HKDC1: variants seen among roughly 807,000 people sequenced by gnomAD.
HKDC1 encodes hexokinase domain containing 1, also known as hexokinase HKDC1.
In HKDC1, 66 loss-of-function variants were observed where a neutral mutation model predicts 96.6. That is an observed-to-expected ratio of 0.68 (90% CI 0.56 to 0.84). The LOEUF is 0.84. Ranked by LOEUF, HKDC1 falls within the 40% of genes least tolerant of loss-of-function variation. HKDC1 has a pLI of 0.00. For synonymous variants in HKDC1, 466 were observed against 473.1 expected (o/e 0.98, Z 0.20); for missense variants, 1,211 against 1,208.1 (o/e 1.00, Z -0.04).
chr10:69,249,721 G>C (rs1034085918), intron 10 of HKDC1, among the ~76,000 whole-genome samples: 2 of 152,102 alleles, frequency 1.3e-5, no homozygotes, highest in African/African-American at 4.8e-5. Flanking sequence ...GGATGGTGTC[G>C]ATCTCCTGAC....
intron 12 of HKDC1, among the ~76,000 whole-genome samples, chr10:69,255,054 TG>T (rs1156359617): frequency 6.6e-6 from 1 of 152,230 alleles, no homozygotes; most frequent in East Asian, 1.9e-4. Flanking sequence ...GAGGGTGCCG[TG>T]TGCAGCTGTC....
Position 69,258,856 on chromosome 10 carries a change from A to G in HKDC1, c.2113A>G (p.Asn705Asp). ...VEGGEGKMCI[N>D]TEWGGFGDNG... ...GGGGGGTGAAGGGAAGATGTGCATC[A>G]ATACAGAGTGGGGAGGATTTGGAGA... The change falls in exon 15 of 18, where the codon AAT (asparagine) becomes GAT (aspartate). Residue 705 changes from asparagine (N) to aspartate (D), a missense_variant. Physicochemically the swap from Asn to Asp is conservative, Grantham distance 23 (BLOSUM62 1). Coordinates refer to ENST00000354624, the MANE Select transcript of HKDC1 (RefSeq NM_025130.4). The G allele has an allele frequency of 6.2e-7, 1 of 1,613,936 alleles. No homozygotes were observed. Among genetic ancestry groups the G allele is most frequent in the Non-Finnish European group, 8.5e-7 (1 of 1,179,964 alleles).
intron 16 of HKDC1, 191 bp from the exon 17 acceptor site, chr10:69,265,394 G>T (rs1313143172): frequency 1.7e-6 from 1 of 600,800 alleles, no homozygotes; most frequent in African/African-American, 1.9e-5. Context: ...TAAAGTTGAT[G>T]GAACTTCCAG....
chr10:69,230,116 T>C (rs775031580), intron 2 of HKDC1, among the ~76,000 whole-genome samples: 4 of 152,226 alleles, frequency 2.6e-5, no homozygotes, highest in Non-Finnish European at 2.9e-5. Flanking sequence ...TGAGCCTTAG[T>C]TACCACCCAG....
At position 69,266,923 on chromosome 10, in the gene HKDC1, T is replaced by A. The variant is rs1043355626; in HGVS notation, c.*166T>A. 1.7e-6 allele frequency: 1 copy of A among 598,664 alleles called. No homozygotes were observed. Among genetic ancestry groups the A allele is most frequent in the Non-Finnish European group, 2.8e-6 (1 of 353,392 alleles). The allele number at this position is 598,664 out of a possible 1,614,324, so 37.1% of individuals were successfully genotyped here. A position where few individuals can be genotyped will look rare whatever the true frequency, so the allele number is the denominator to read the frequency against. On this transcript the variant is annotated 3_prime_UTR_variant, in exon 18 of 18. Coordinates refer to ENST00000354624, the MANE Select transcript of HKDC1 (RefSeq NM_025130.4). The stretch of plus-strand genomic sequence containing the variant: ...TACTCTTAGTATCTTGTACTGGATT[T>A]GCAGTGACATTACATGACATCTCTA...
intron 2 of HKDC1, 103 bp downstream of exon 2, chr10:69,227,472 C>G: frequency 8.1e-7 from 1 of 1,240,350 alleles, no homozygotes; most frequent in Non-Finnish European, 1.1e-6. Flanking sequence ...CTCTCTAGCC[C>G]TCTCTCTGCT....
intron 4 of HKDC1, among the ~76,000 whole-genome samples, chr10:69,235,449 ACAAG>A (rs1307704894): frequency 3.7e-5 from 4 of 109,062 alleles, no homozygotes; most frequent in Admixed American, 3.3e-4. Flanking sequence ...AAAAACAACA[ACAAG>A]CAAACAAAAA....
intron 17 of HKDC1, 96 bp downstream of exon 17, chr10:69,265,914 T>C (rs10998680): frequency 0.014 from 11,781 of 840,242 alleles, 131 homozygotes; most frequent in Non-Finnish European, 0.02. Context: ...CATGGGAAGA[T>C]GCATCCCCGT....
At chr10:69,251,844 C>T (rs1466698501) in intron 12 of HKDC1, among the ~76,000 whole-genome samples, 1 of 151,564 alleles carries the variant, frequency 6.6e-6, no homozygotes, top group Admixed American at 6.6e-5. Flanking sequence ...ACTGCAACCT[C>T]TGCCTCCCGG....
In HKDC1 at chr10:69,232,895, C is replaced by A. The variant is rs539903056; in HGVS notation, c.358C>A (p.Arg120Ser). ...QFYPTPNEII[R>S]GNGTELFEYV... is the part of the protein sequence containing the mutation. The stretch of plus-strand genomic sequence containing the variant: ...CTACCCAACGCCCAATGAAATCATC[C>A]GCGGGAACGGCACAGAGGTACCTGG... The change falls in exon 3 of 18, where the codon CGC (arginine) becomes AGC (serine). Residue 120 changes from arginine (R) to serine (S), a missense_variant. By Grantham distance (110) the Arg-to-Ser change is moderately radical. Coordinates refer to ENST00000354624, the MANE Select transcript of HKDC1 (RefSeq NM_025130.4). 3.7e-6 allele frequency: 6 copies of A among 1,613,068 alleles called. No homozygotes were observed. The Admixed American group carries it at 8.3e-5, about 22-fold the overall frequency.
chr10:69,238,142 C>T (rs886419109), intron 4 of HKDC1, among the ~76,000 whole-genome samples: 4 of 152,234 alleles, frequency 2.6e-5, no homozygotes, highest in African/African-American at 9.6e-5. Flanking sequence ...CGAGGTCTCG[C>T]TATGTTGCCC....
At chr10:69,220,804 C>T (rs1476091908) in intron 1 of HKDC1, among the ~76,000 whole-genome samples, 1 of 152,106 alleles carries the variant, frequency 6.6e-6, no homozygotes, top group Admixed American at 6.6e-5. Flanking sequence ...GATGTTTGCT[C>T]GGAAAGGCCA....
At chr10:69,256,973 T>C in intron 12 of HKDC1, 63 bp from the exon 13 acceptor site, 2 of 1,215,872 alleles carry the variant, frequency 1.6e-6, no homozygotes, top group Non-Finnish European at 2.4e-6. Flanking sequence ...CTGTTGGATG[T>C]TGAGGTTGTG....
At chr10:69,259,110 A>G in intron 15 of HKDC1, 151 bp downstream of exon 15, 5 of 624,846 alleles carry the variant, frequency 8.0e-6, no homozygotes, top group South Asian at 6.7e-5. Flanking sequence ...GAAAAATATG[A>G]TGACAAGTTT....
intron 14 of HKDC1, 130 bp from the exon 15 acceptor site, chr10:69,258,646 G>T: frequency 1.1e-6 from 1 of 898,442 alleles, no homozygotes; most frequent in South Asian, 1.4e-5. Context: ...AGCCAGCTAT[G>T]ACTGTAAAGC....
At chr10:69,244,778 A>T (rs566671343) in intron 7 of HKDC1, among the ~76,000 whole-genome samples, 1 of 152,260 alleles carries the variant, frequency 6.6e-6, no homozygotes, top group South Asian at 2.1e-4. Flanking sequence ...GTAAGCTGTG[A>T]TCATACCATT....
At chr10:69,241,676 G>A (rs771276302) in intron 6 of HKDC1, among the ~76,000 whole-genome samples, 1 of 152,040 alleles carries the variant, frequency 6.6e-6, no homozygotes, top group Non-Finnish European at 1.5e-5. Flanking sequence ...GTACAGATGG[G>A]GTTTCACAGT....
At chr10:69,230,305 C>G (rs1313155154) in intron 2 of HKDC1, among the ~76,000 whole-genome samples, 1 of 152,216 alleles carries the variant, frequency 6.6e-6, no homozygotes, top group Non-Finnish European at 1.5e-5. Context: ...CTCCAGTCAG[C>G]CTCCAAGGCC....
intron 10 of HKDC1, among the ~76,000 whole-genome samples, chr10:69,249,221 G>A (rs1413408544): frequency 6.6e-6 from 1 of 152,150 alleles, no homozygotes; most frequent in East Asian, 1.9e-4. Flanking sequence ...AGTGAAATCA[G>A]TTCTTCAGAC....
Sources: allele counts gnomAD v4.1 joint callset (sites outside exome capture counted in the v4.1 genomes callset), GRCh38; gene constraint gnomAD v4.1.1; transcripts MANE v1.5; gene names NCBI Gene and HGNC (gene_info 2026-07-23, HGNC 2026-07-21).